CUL5: variants seen among roughly 807,000 people sequenced by gnomAD.
CUL5 encodes cullin 5, also known as cullin-5.
Under a neutral mutation model 108.8 loss-of-function variants are expected in CUL5, and 26 were observed. The ratio of observed to expected loss-of-function variants is 0.24; its 90% CI spans 0.18 to 0.33. The LOEUF (loss-of-function observed/expected upper bound fraction) is 0.33, where lower values mean the gene tolerates loss of function less well. Among genes scored for constraint, CUL5 ranks in the 10% least tolerant of loss-of-function variants. The pLI is 1.00. For missense variants in CUL5, 524 were observed against 909.2 expected (o/e 0.58, Z 5.45); for synonymous variants, 334 against 298.0 (o/e 1.12, Z -1.25).
At chr11:108,089,317 T>C (rs2135225949) in intron 12 of CUL5, among the ~76,000 whole-genome samples, 175 bp from the exon 13 acceptor site, 1 of 152,298 alleles carries the variant, frequency 6.6e-6, no homozygotes, top group Admixed American at 6.5e-5. Flanking sequence ...TTGCTAACCT[T>C]TAAAGTAGTG....
At chr11:108,054,278 G>T (rs1161503169) in intron 5 of CUL5, among the ~76,000 whole-genome samples, 1 of 152,086 alleles carries the variant, frequency 6.6e-6, no homozygotes, top group African/African-American at 2.4e-5. Flanking sequence ...ATTTTCTTGT[G>T]CTTTTCTGCT....
At chr11:108,070,317 A>G (rs1863788894) in intron 8 of CUL5, 128 bp downstream of exon 8, 2 of 572,512 alleles carry the variant, frequency 3.5e-6, no homozygotes, top group African/African-American at 1.8e-5. Flanking sequence ...AGAGTGAACT[A>G]TACTTAAGGA....
intron 2 of CUL5, among the ~76,000 whole-genome samples, chr11:108,040,645 C>T (rs1242965399): frequency 1.4e-5 from 2 of 147,224 alleles, no homozygotes; most frequent in Non-Finnish European, 3.0e-5. Context: ...ATTAGCCAGT[C>T]GTGGTGGCAC....
At chr11:108,082,553 G>A (rs1180477297) in intron 11 of CUL5, among the ~76,000 whole-genome samples, 11 of 151,796 alleles carry the variant, frequency 7.2e-5, no homozygotes, top group African/African-American at 2.2e-4. Flanking sequence ...CTAGGATTAC[G>A]GGCAGGAGCT....
chr11:108,063,904 C>T (rs1400565136), intron 7 of CUL5, among the ~76,000 whole-genome samples: 3 of 152,132 alleles, frequency 2.0e-5, no homozygotes, highest in African/African-American at 4.8e-5. Context: ...TTTGTTATTG[C>T]CTGTCTTATA....
chr11:108,085,413 A>G (rs1046866877), intron 11 of CUL5, among the ~76,000 whole-genome samples: 2 of 151,238 alleles, frequency 1.3e-5, no homozygotes, highest in African/African-American at 2.4e-5. Context: ...AAAAGTTACC[A>G]GGGGATGGGG....
rs1459779478 is a variant in CUL5 at position 108,073,370 on chromosome 11, G to A, written c.1006-20G>A. On this transcript the variant is annotated intron_variant, in intron 9 of 18. Transcript: ENST00000393094. Reference sequence around the variant, plus strand: ...ATTCTTTTTCTTTTAAAAACTTAATGTAAAACCTTTTGTTTCTAGGACTCT... The same window carrying A: ...ATTCTTTTTCTTTTAAAAACTTAATATAAAACCTTTTGTTTCTAGGACTCT... 8.4e-7 allele frequency: 1 copy of A among 1,188,968 alleles called. No homozygotes were observed. Among genetic ancestry groups the A allele is most frequent in the Non-Finnish European group, 1.2e-6 (1 of 819,554 alleles). 73.7% of individuals were successfully genotyped at this position (1,188,968 alleles called of 1,614,324 possible). A position where few individuals can be genotyped will look rare whatever the true frequency, so the allele number is the denominator to read the frequency against.
At position 108,033,894 on chromosome 11, in the gene CUL5, G is replaced by C; in HGVS notation, c.117G>C (p.Gln39His). 6.2e-7 allele frequency: 1 copy of C among 1,610,180 alleles called. No individual in the cohort carries two copies. Among genetic ancestry groups the C allele is most frequent in the South Asian group, 1.1e-5 (1 of 90,424 alleles). Residue 39 changes from glutamine (Q) to histidine (H), a missense_variant, in exon 2 of 19, where the codon CAG becomes CAC. Gln to His is a conservative substitution (Grantham distance 24). Transcript: ENST00000393094. ...GCCAGGAATCTGTTACAAAACAGCA[G>C]TGGTTTGATCTGTTTTCGTAAGTAC... Reference protein sequence around the residue: ...LLRQESVTKQQWFDLFSDVHA... With the variant: ...LLRQESVTKQHWFDLFSDVHA...
At chr11:108,064,611 A>G (rs1032415968) in intron 7 of CUL5, among the ~76,000 whole-genome samples, 2 of 152,070 alleles carry the variant, frequency 1.3e-5, no homozygotes, top group South Asian at 2.1e-4. Context: ...TCGGGAGGCT[A>G]AGGCAGGAGA....
intron 9 of CUL5, 27 bp downstream of exon 9, chr11:108,072,489 A>C (rs755060151): frequency 8.9e-6 from 14 of 1,573,590 alleles, no homozygotes; most frequent in Non-Finnish European, 1.2e-5. Flanking sequence ...TGGCAATGAT[A>C]GATATATATC....
intron 2 of CUL5, among the ~76,000 whole-genome samples, chr11:108,035,134 C>T (rs1591286387): frequency 1.3e-5 from 2 of 152,118 alleles, no homozygotes; most frequent in African/African-American, 2.4e-5. Flanking sequence ...GAAAGGCAAA[C>T]ACAAGTCAGT....
intron 16 of CUL5, 43 bp from the exon 17 acceptor site, chr11:108,097,593 T>C (rs1162977165): frequency 9.0e-7 from 1 of 1,108,056 alleles, no homozygotes; most frequent in East Asian, 2.4e-5. Context: ...TAGTATTCCA[T>C]ACTGTTTATA....
chr11:108,021,896 C>T (rs933360532), intron 1 of CUL5, among the ~76,000 whole-genome samples: 12 of 152,128 alleles, frequency 7.9e-5, no homozygotes, highest in African/African-American at 2.9e-4. Flanking sequence ...CTCACTGCAG[C>T]CTCGAACTCC....
intron 11 of CUL5, among the ~76,000 whole-genome samples, chr11:108,087,908 T>G (rs2135222556): frequency 6.6e-6 from 1 of 152,104 alleles, no homozygotes; most frequent in South Asian, 2.1e-4. Context: ...GAGGTTGCAG[T>G]GAGCCAAGAT....
chr11:108,026,510 T>G (rs556518710), intron 1 of CUL5, among the ~76,000 whole-genome samples: 76 of 152,294 alleles, frequency 5.0e-4, no homozygotes, highest in African/African-American at 1.6e-3. Flanking sequence ...CACCTACATG[T>G]ACATTCTTTT....
intron 2 of CUL5, among the ~76,000 whole-genome samples, chr11:108,040,841 G>A (rs913375956): frequency 6.6e-6 from 1 of 152,164 alleles, no homozygotes; most frequent in African/African-American, 2.4e-5. Context: ...GAAGTAACTG[G>A]TGATTGAGAA....
chr11:108,086,071 T>C (rs572999969), intron 11 of CUL5, among the ~76,000 whole-genome samples: 2 of 152,260 alleles, frequency 1.3e-5, no homozygotes, highest in South Asian at 4.2e-4. Context: ...TCTAAAACCA[T>C]ATATAATTGG....
chr11:108,081,283 G>A (rs781085103), intron 11 of CUL5, among the ~76,000 whole-genome samples: 4 of 152,074 alleles, frequency 2.6e-5, no homozygotes, highest in East Asian at 3.9e-4. Context: ...GTGAGACTTC[G>A]TCTCAACAAC....
intron 11 of CUL5, 44 bp from the exon 12 acceptor site, chr11:108,088,483 A>C (rs1864276265): frequency 6.4e-7 from 1 of 1,550,884 alleles, no homozygotes. Context: ...ATAATTGCAA[A>C]CATTAATCAT....
Sources: allele counts gnomAD v4.1 joint callset (sites outside exome capture counted in the v4.1 genomes callset), GRCh38; gene constraint gnomAD v4.1.1; transcripts MANE v1.5; gene names NCBI Gene and HGNC (gene_info 2026-07-23, HGNC 2026-07-21).